Variants in FGD4 observed in about 807,000 individuals in gnomAD.
FGD4 encodes the protein FYVE, RhoGEF and PH domain containing 4.
Under a neutral mutation model 102.0 loss-of-function variants are expected in FGD4, and 42 were observed. The observed-to-expected ratio is 0.41, with a 90% confidence interval of 0.32 to 0.53. The LOEUF (loss-of-function observed/expected upper bound fraction) is 0.53, where lower values mean the gene tolerates loss of function less well. Among genes scored for constraint, FGD4 ranks in the 20% least tolerant of loss-of-function variants. The probability of loss-of-function intolerance (pLI) is 0.21; values close to 1 mark genes in which losing one functional copy is unlikely to be tolerated. For synonymous variants in FGD4, 380 were observed against 375.7 expected, an observed-to-expected ratio of 1.01 and a Z score of -0.13; for missense variants, 902 against 1,078.2, an observed-to-expected ratio of 0.84 and a Z score of 2.29.
chr12:32,483,142 A>G (rs7299495), intron 1 of FGD4, among the ~76,000 whole-genome samples: 96,777 of 152,040 alleles, frequency 0.64, 32,365 homozygotes, highest in Middle Eastern at 0.84. Context: ...GTGTGGGTAG[A>G]ATACTAATTT....
intron 4 of FGD4, among the ~76,000 whole-genome samples, chr12:32,595,966 G>A (rs964931135): frequency 6.6e-6 from 1 of 152,218 alleles, no homozygotes; most frequent in African/African-American, 2.4e-5. Context: ...TGTAAAGCAT[G>A]AAGTAGATCT....
chr12:32,502,008 CTATAT>C (rs1250935584), intron 1 of FGD4: 1 of 984,168 alleles, frequency 1.0e-6, no homozygotes, highest in African/African-American at 1.7e-5. Flanking sequence ...ATGTGAGTGG[CTATAT>C]ATGTTCCTTC....
At chr12:32,434,018 G>C (rs1265571199) in intron 1 of FGD4, among the ~76,000 whole-genome samples, 2 of 151,922 alleles carry the variant, frequency 1.3e-5, no homozygotes, top group Non-Finnish European at 2.9e-5. Flanking sequence ...ACCACGCCCA[G>C]CTAATTTTTG....
chr12:32,509,648 A>G (rs754451268), intron 1 of FGD4, among the ~76,000 whole-genome samples: 9 of 152,190 alleles, frequency 5.9e-5, no homozygotes, highest in Admixed American at 2.6e-4. Flanking sequence ...CAGAGAACAC[A>G]TGGTTGCAAG....
intron 1 of FGD4, among the ~76,000 whole-genome samples, chr12:32,495,963 C>G (rs1032887427): frequency 3.9e-5 from 6 of 152,156 alleles, no homozygotes; most frequent in African/African-American, 1.4e-4. Context: ...CTTGGCCACC[C>G]TCTCTTTTTA....
chr12:32,525,931 C>T (rs1941118795), intron 1 of FGD4, among the ~76,000 whole-genome samples: 1 of 152,256 alleles, frequency 6.6e-6, no homozygotes, highest in Admixed American at 6.5e-5. Flanking sequence ...TCGGGACCTA[C>T]AGCCCGCCAT....
chr12:32,410,208 G>T (rs1362835656), intron 1 of FGD4, among the ~76,000 whole-genome samples: 2 of 151,976 alleles, frequency 1.3e-5, no homozygotes, highest in Non-Finnish European at 2.9e-5. Flanking sequence ...GGCGCCTGCA[G>T]TCCCAGCTAC....
At chr12:32,593,532 T>C (rs1020584660) in intron 4 of FGD4, among the ~76,000 whole-genome samples, 2 of 152,346 alleles carry the variant, frequency 1.3e-5, no homozygotes, top group East Asian at 1.9e-4. Context: ...CCCTTGGATT[T>C]TGCAAAATCT....
At chr12:32,495,112 C>G (rs919205620) in intron 1 of FGD4, among the ~76,000 whole-genome samples, 1 of 152,024 alleles carries the variant, frequency 6.6e-6, no homozygotes, top group African/African-American at 2.4e-5. Flanking sequence ...TGCATAGTTT[C>G]CAGATATTCA....
chr12:32,469,967 T>C (rs1943373277), intron 1 of FGD4, among the ~76,000 whole-genome samples: 1 of 152,162 alleles, frequency 6.6e-6, no homozygotes, highest in Non-Finnish European at 1.5e-5. Flanking sequence ...CCTAACCAAT[T>C]TTCTATTAAT....
intron 1 of FGD4, among the ~76,000 whole-genome samples, chr12:32,479,234 C>CT (rs1943658031): frequency 1.3e-5 from 2 of 152,074 alleles, no homozygotes; most frequent in East Asian, 1.9e-4. Context: ...GAGGAGGTCT[C>CT]TGAGTTTTTT....
chr12:32,532,358 T>G (rs1460109681), intron 1 of FGD4, among the ~76,000 whole-genome samples: 1 of 152,190 alleles, frequency 6.6e-6, no homozygotes, highest in Non-Finnish European at 1.5e-5. Context: ...TTTAATATCT[T>G]AATGGTTATC....
chr12:32,490,399 C>CTTTT (rs3077004), intron 1 of FGD4, among the ~76,000 whole-genome samples: 33 of 130,896 alleles, frequency 2.5e-4, no homozygotes, highest in Admixed American at 6.4e-4. Flanking sequence ...TTTTATCAGT[C>CTTTT]TTTTTTTTTT....
intron 1 of FGD4, among the ~76,000 whole-genome samples, chr12:32,473,794 T>C (rs1218944852): frequency 6.6e-6 from 1 of 152,080 alleles, no homozygotes. Flanking sequence ...CAAAAAGATA[T>C]TAGGAGCTGT....
At chr12:32,460,045 G>T (rs1467727993) in intron 1 of FGD4, among the ~76,000 whole-genome samples, 1 of 152,034 alleles carries the variant, frequency 6.6e-6, no homozygotes, top group Non-Finnish European at 1.5e-5. Flanking sequence ...GGCCTTTACA[G>T]TCACAAATAA....
In FGD4 at chr12:32,475,531, T is replaced by TAAGG. The variant is rs1433511536; in HGVS notation, c.166+75572_166+75573insAAGG. ...AAGCCTTTTGGTCTAGTTATGTGAT[T>TAAGG]CCAAAAGCACGGGTGTCTGTACCAG... is the stretch of plus-strand genomic sequence containing the variant. On this transcript the variant is annotated intron_variant, in intron 1 of 16. Transcript: ENST00000534526. 3.9e-5 allele frequency among the ~76,000 whole-genome samples: 6 copies of TAAGG among 152,196 alleles called. No homozygotes were observed. The East Asian group carries it at 1.2e-3, about 29-fold the overall frequency.
At chr12:32,517,365 G>T (rs1157677596) in intron 1 of FGD4, among the ~76,000 whole-genome samples, 5 of 151,716 alleles carry the variant, frequency 3.3e-5, no homozygotes, top group African/African-American at 1.2e-4. Flanking sequence ...CTTCAGCACT[G>T]GATTTTATAA....
intron 1 of FGD4, among the ~76,000 whole-genome samples, chr12:32,427,133 T>C (rs1327963571): frequency 6.6e-6 from 1 of 152,166 alleles, no homozygotes; most frequent in Non-Finnish European, 1.5e-5. Context: ...CTCTTGCTTC[T>C]CTAGTTCTTT....
chr12:32,413,995 C>T (rs1450612260), intron 1 of FGD4, among the ~76,000 whole-genome samples: 22 of 131,144 alleles, frequency 1.7e-4, no homozygotes, highest in Non-Finnish European at 3.2e-4. Flanking sequence ...TTTTTTGAGA[C>T]GGAGTCTTGT....
Sources: allele counts gnomAD v4.1 joint callset (sites outside exome capture counted in the v4.1 genomes callset), GRCh38; gene constraint gnomAD v4.1.1; transcripts MANE v1.5; gene names NCBI Gene and HGNC (gene_info 2026-07-23, HGNC 2026-07-21).